MEAK7: variants seen among roughly 807,000 people sequenced by gnomAD.
The protein encoded by MEAK7 is MTOR associated protein MEAK7.
Under a neutral mutation model 40.5 loss-of-function variants are expected in MEAK7, and 68 were observed. That is an observed-to-expected ratio of 1.68 (90% CI 1.38 to 2.06). MEAK7 has a LOEUF of 2.06. Among genes scored for constraint, MEAK7 ranks in the 30% most tolerant of loss-of-function variants. The pLI, the probability that MEAK7 is intolerant of heterozygous loss-of-function variation, is 0.00. For synonymous variants in MEAK7, 338 were observed against 231.9 expected (o/e 1.46, Z -4.16); for missense variants, 918 against 580.5 (o/e 1.58, Z -5.98).
chr16:84,496,312 A>G (rs981735102), intron 2 of MEAK7, among the ~76,000 whole-genome samples: 2 of 152,150 alleles, frequency 1.3e-5, no homozygotes, highest in African/African-American at 4.8e-5. Context: ...GGTCAAACCA[A>G]TCCAGAGCCC....
chr16:84,481,516 G>A (rs1912542370), intron 6 of MEAK7, among the ~76,000 whole-genome samples: 1 of 152,190 alleles, frequency 6.6e-6, no homozygotes, highest in Non-Finnish European at 1.5e-5. Flanking sequence ...TAGGTGGCCT[G>A]GCCACGCCCC....
chr16:84,503,354 C>T (rs1399358821), intron 1 of MEAK7, among the ~76,000 whole-genome samples: 1 of 152,156 alleles, frequency 6.6e-6, no homozygotes, highest in Admixed American at 6.5e-5. Flanking sequence ...TAACAAACTG[C>T]TAGGTAAGCT....
chr16:84,480,421 G>A (rs1346412774), intron 7 of MEAK7, 108 bp downstream of exon 7: 1 of 1,316,958 alleles, frequency 7.6e-7, no homozygotes, highest in Non-Finnish European at 1.0e-6. Context: ...ATCAAATTTG[G>A]GATAAACTAT....
chr16:84,483,708 G>A (rs906844176), intron 5 of MEAK7, among the ~76,000 whole-genome samples: 1 of 152,198 alleles, frequency 6.6e-6, no homozygotes, highest in Non-Finnish European at 1.5e-5. Context: ...TCGCTGGGGG[G>A]CCTCTGCCAT....
rs1912119684 is a variant in MEAK7, at chr16:84,476,535, A to C, written c.*3378T>G. The C allele has an allele frequency of 1.3e-5, 2 of 152,172 alleles. No individual in the cohort carries two copies. The highest frequency in any genetic ancestry group is 1.3e-4 in the Admixed American group (2 of 15,280). 9.4% of individuals were successfully genotyped at this position (152,172 alleles called of 1,614,324 possible). A position where few individuals can be genotyped will look rare whatever the true frequency, so the allele number is the denominator to read the frequency against. On this transcript the variant is annotated 3_prime_UTR_variant, in exon 8 of 8. Coordinates refer to ENST00000343629, the MANE Select transcript of MEAK7 (RefSeq NM_020947.4). ...AAGAGTTTATCCCACAGACACCATC[A>C]CAGCAAGGCACACATAAACGATATT...
rs1385971131 is a variant in MEAK7, at chr16:84,486,797, G to A, written c.792C>T (p.His264=). The change falls in exon 5 of 8, where the codon CAC becomes CAT. Residue 264 remains histidine, a synonymous_variant. Transcript: ENST00000343629. The stretch of plus-strand genomic sequence containing the variant: ...CAGACGAAAAGAGCAGGCACCAGCG[G>A]TGCCGCTGCTCCCGAGGCAGCTGGG... ...INAQLPREQR[H]RWCLLFSSEL... is the part of the protein sequence containing the mutation. The A allele has an allele frequency of 6.2e-7, 1 of 1,614,022 alleles. No homozygotes were observed. Among genetic ancestry groups the A allele is most frequent in the Non-Finnish European group, 8.5e-7 (1 of 1,179,900 alleles).
rs371825264 is a variant in MEAK7, at chr16:84,494,993, G to T, written c.384+690C>A. On this transcript the variant is annotated intron_variant, in intron 3 of 7. Coordinates refer to ENST00000343629, the MANE Select transcript of MEAK7 (RefSeq NM_020947.4). Reference sequence around the variant, plus strand: ...GGTTTAAAATCTCCACAGCTGGCCAGCGTGGTGGCTCATGCCTATAATCCT... The same window carrying T: ...GGTTTAAAATCTCCACAGCTGGCCATCGTGGTGGCTCATGCCTATAATCCT... Among the ~76,000 whole-genome samples the T allele has an allele frequency of 1.6e-4, 24 of 152,328 alleles. No homozygotes were observed. In the South Asian group the frequency reaches 5.0e-3, roughly 32 times the overall value.
intron 3 of MEAK7, chr16:84,494,797 C>T (rs1301968893): frequency 2.2e-6 from 1 of 455,772 alleles, no homozygotes; most frequent in East Asian, 7.0e-5. Context: ...AGCCCTGAGA[C>T]TCATTTTCCT....
At chr16:84,486,523 C>G (rs1913070736) in intron 5 of MEAK7, 108 bp downstream of exon 5, 2 of 1,476,424 alleles carry the variant, frequency 1.4e-6, no homozygotes, top group African/African-American at 1.4e-5. Context: ...TAGAGAAACA[C>G]TTGGAGAAGA....
rs1409350857 is a variant in MEAK7 at position 84,476,387 on chromosome 16, T to C, written c.*3526A>G. ...AAAAAAACATATTTTAATACAGTTT[T>C]GCTGAAAACATGGCAAACAGGCACC... On this transcript the variant is annotated 3_prime_UTR_variant, in exon 8 of 8. Coordinates refer to ENST00000343629, the MANE Select transcript of MEAK7 (RefSeq NM_020947.4). 1 of 152,192 alleles carries C rather than the reference T, an allele frequency of 6.6e-6. No individual in the cohort carries two copies. The highest frequency in any genetic ancestry group is 2.4e-5 in the African/African-American group (1 of 41,442). The allele number at this position is 152,192 out of a possible 1,614,324, so 9.4% of individuals were successfully genotyped here. A position where few individuals can be genotyped will look rare whatever the true frequency, so the allele number is the denominator to read the frequency against.
chr16:84,494,790 C>T (rs979476077), intron 3 of MEAK7: 1 of 455,452 alleles, frequency 2.2e-6, no homozygotes, highest in Non-Finnish European at 4.4e-6. Context: ...AAACCCAAGC[C>T]CTGAGACTCA....
chr16:84,480,771 T>C, intron 6 of MEAK7, 63 bp from the exon 7 acceptor site: 1 of 1,508,642 alleles, frequency 6.6e-7, no homozygotes, highest in Non-Finnish European at 8.9e-7. Flanking sequence ...GGACATCAAA[T>C]ACCACAAGCC....
At chr16:84,490,443 CTTTTTTTTTTTTTTTTTTTTT>C (rs770073812) in intron 3 of MEAK7, among the ~76,000 whole-genome samples, 14 of 93,888 alleles carry the variant, frequency 1.5e-4, no homozygotes, top group East Asian at 6.6e-4. Flanking sequence ...TCTGCCCCGC[CTTTTTTTTTTTTTTTTTTTTT>C]TTTTTTTTTT....
intron 3 of MEAK7, among the ~76,000 whole-genome samples, chr16:84,492,377 T>C (rs1008218286): frequency 8.5e-5 from 13 of 152,122 alleles, no homozygotes; most frequent in Non-Finnish European, 1.6e-4. Context: ...TAGATTTGTT[T>C]ATAAGACTTC....
At chr16:84,498,387 G>A (rs1268435624) in intron 1 of MEAK7, among the ~76,000 whole-genome samples, 6 of 151,824 alleles carry the variant, frequency 4.0e-5, no homozygotes, top group South Asian at 4.2e-4. Flanking sequence ...TCCCCACTCA[G>A]CCTCCTGAGT....
chr16:84,484,491 T>G (rs1422567673), intron 5 of MEAK7, among the ~76,000 whole-genome samples: 1 of 152,188 alleles, frequency 6.6e-6, no homozygotes, highest in Non-Finnish European at 1.5e-5. Flanking sequence ...ATCCAAAGCC[T>G]TGGGCCTTTT....
Position 84,497,613 on chromosome 16 carries a change from G to A in MEAK7, c.153+321C>T, listed in dbSNP as rs769586395. The A allele has an allele frequency of 3.3e-4, 437 of 1,341,136 alleles. 1 individual carries two copies. Among genetic ancestry groups the A allele is most frequent in the Middle Eastern group, 4.0e-4 (2 of 4,946 alleles). 83.1% of individuals were successfully genotyped at this position (1,341,136 alleles called of 1,614,324 possible). A position where few individuals can be genotyped will look rare whatever the true frequency, so the allele number is the denominator to read the frequency against. On this transcript the variant is annotated intron_variant, in intron 2 of 7. Transcript: ENST00000343629. ...CAAGTTAGAAATGTCCCCAAATGTC[G>A]TGTGAATCATTCATTATCTACTCCA... is the stretch of plus-strand genomic sequence containing the variant.
Position 84,480,654 on chromosome 16 carries a change from T to C in MEAK7, c.1132A>G (p.Lys378Glu). ...FGLWVDVDFG[K>E]GHSRAKPTCT... Reference sequence around the variant, plus strand: ...GTGGGCTTGGCTCTGCTGTGTCCTTTCCCAAAATCAACATCCACCCAAAGC... The same window carrying C: ...GTGGGCTTGGCTCTGCTGTGTCCTTCCCCAAAATCAACATCCACCCAAAGC... Residue 378 changes from lysine to glutamate, a missense_variant, in exon 7 of 8, where the codon AAA becomes GAA. By Grantham distance (56) the Lys-to-Glu change is moderately conservative. Transcript: ENST00000343629. 1 of 1,613,830 alleles carries C rather than the reference T, an allele frequency of 6.2e-7. No homozygotes were observed. Among genetic ancestry groups the C allele is most frequent in the East Asian group, 2.2e-5 (1 of 44,858 alleles).
intron 1 of MEAK7, among the ~76,000 whole-genome samples, chr16:84,502,193 T>C (rs549302075): frequency 6.6e-6 from 1 of 150,766 alleles, no homozygotes; most frequent in African/African-American, 2.4e-5. Context: ...ACAGCGCACA[T>C]CAAGGTTGCT....
Sources: gnomAD v4.1 joint callset for allele counts (sites outside exome capture counted in the v4.1 genomes callset) on GRCh38, gnomAD v4.1.1 for gene constraint, MANE v1.5 for transcripts, NCBI Gene and HGNC (gene_info 2026-07-23, HGNC 2026-07-21) for gene names.